Variants in AGMO observed in about 807,000 individuals in gnomAD.
AGMO encodes alkylglycerol monooxygenase.
In AGMO, 75 loss-of-function variants were observed where a neutral mutation model predicts 60.2. That is an observed-to-expected ratio of 1.25 (90% CI 1.03 to 1.51). AGMO has a LOEUF of 1.51. Among genes scored for constraint, AGMO ranks in the 40% most tolerant of loss-of-function variants. AGMO has a pLI of 0.00. For synonymous variants in AGMO, 261 were observed against 177.1 expected (o/e 1.47, Z -3.76); for missense variants, 763 against 525.5 (o/e 1.45, Z -4.42).
intron 12 of AGMO, among the ~76,000 whole-genome samples, chr7:15,299,317 C>G (rs979258190): frequency 9.9e-5 from 15 of 152,026 alleles, no homozygotes; most frequent in African/African-American, 3.6e-4. Flanking sequence ...TTTTCTCTGA[C>G]CTGTGCTGTT....
At chr7:15,328,003 T>A (rs1337388850) in intron 12 of AGMO, among the ~76,000 whole-genome samples, 1 of 152,044 alleles carries the variant, frequency 6.6e-6, no homozygotes, top group Non-Finnish European at 1.5e-5. Flanking sequence ...CATGAACTTC[T>A]AGGCTCAAGC....
At chr7:15,366,598 T>A (rs1169320339) in intron 10 of AGMO, among the ~76,000 whole-genome samples, 1 of 152,072 alleles carries the variant, frequency 6.6e-6, no homozygotes, top group South Asian at 2.1e-4. Context: ...TATAACAAAA[T>A]CTTTGTGGTT....
chr7:15,356,013 T>C (rs917553855), intron 12 of AGMO, among the ~76,000 whole-genome samples: 2 of 152,096 alleles, frequency 1.3e-5, no homozygotes, highest in African/African-American at 2.4e-5. Context: ...AAAATAGTAA[T>C]TAGAAATACA....
chr7:15,296,367 C>T (rs1301383455), intron 12 of AGMO, among the ~76,000 whole-genome samples: 1 of 152,106 alleles, frequency 6.6e-6, no homozygotes, highest in Non-Finnish European at 1.5e-5. Flanking sequence ...AAGACAAGTG[C>T]CTTACTCATT....
intron 3 of AGMO, among the ~76,000 whole-genome samples, chr7:15,480,825 A>C (rs1330078773): frequency 6.6e-6 from 1 of 152,098 alleles, no homozygotes; most frequent in Admixed American, 6.6e-5. Context: ...CTAGTCAAAC[A>C]CCACCTAAGA....
chr7:15,124,263 AC>A, the AGMO span, among the ~76,000 whole-genome samples: 1 of 150,862 alleles, frequency 6.6e-6, no homozygotes, highest in Non-Finnish European at 1.5e-5. Flanking sequence ...TTTTTTCCCT[AC>A]CTTGCCTTTC....
At chr7:15,350,467 T>C (rs1251403971) in intron 12 of AGMO, among the ~76,000 whole-genome samples, 2 of 152,166 alleles carry the variant, frequency 1.3e-5, no homozygotes, top group Non-Finnish European at 2.9e-5. Flanking sequence ...GATAAGAGTT[T>C]TAAGCAGTAA....
the AGMO span, among the ~76,000 whole-genome samples, chr7:15,164,982 A>C: frequency 6.6e-6 from 1 of 152,170 alleles, no homozygotes; most frequent in Non-Finnish European, 1.5e-5. Context: ...CATGTAATTA[A>C]CCTAAGAGTT....
chr7:15,499,051 T>C (rs1452815940), intron 3 of AGMO, among the ~76,000 whole-genome samples: 2 of 151,932 alleles, frequency 1.3e-5, no homozygotes, highest in African/African-American at 2.4e-5. Flanking sequence ...GTGTTTAACA[T>C]TGAAAAACAC....
chr7:15,374,676 G>A lies in AGMO; in HGVS notation c.1075-8454C>T, dbSNP rs1055535377. 5.3e-5 allele frequency among the ~76,000 whole-genome samples: 8 copies of A among 152,012 alleles called. No homozygotes were observed. In the East Asian group the frequency reaches 5.8e-4, roughly 11 times the overall value. On this transcript the variant is annotated intron_variant, in intron 10 of 12. Transcript: ENST00000342526. Reference sequence around the variant, plus strand: ...AAAGAACAGCGATCTCAGGGAAATAGGATACAAATGACATGATCCATATTG... The same window carrying A: ...AAAGAACAGCGATCTCAGGGAAATAAGATACAAATGACATGATCCATATTG...
chr7:15,246,148 A>T (rs1782734757), intron 12 of AGMO, among the ~76,000 whole-genome samples: 1 of 152,186 alleles, frequency 6.6e-6, no homozygotes, highest in African/African-American at 2.4e-5. Context: ...ATTTTTAGGG[A>T]TTAAGTTTTA....
intron 10 of AGMO, among the ~76,000 whole-genome samples, chr7:15,384,375 T>C (rs1020460794): frequency 1.3e-5 from 2 of 152,220 alleles, no homozygotes; most frequent in Non-Finnish European, 2.9e-5. Flanking sequence ...TATCAGAATA[T>C]ATGTTCAGTT....
intron 12 of AGMO, among the ~76,000 whole-genome samples, chr7:15,222,334 A>T (rs1781947875): frequency 6.6e-6 from 1 of 152,106 alleles, no homozygotes; most frequent in Non-Finnish European, 1.5e-5. Context: ...TTTGGAAGTC[A>T]GAATGAACTT....
chr7:15,244,833 T>A (rs770632377), intron 12 of AGMO, among the ~76,000 whole-genome samples: 12 of 152,090 alleles, frequency 7.9e-5, no homozygotes, highest in Non-Finnish European at 1.8e-4. Context: ...TTTGTATTTT[T>A]AGTAGAGACA....
At chr7:15,322,445 A>AAT (rs1178866406) in intron 12 of AGMO, among the ~76,000 whole-genome samples, 1 of 109,284 alleles carries the variant, frequency 9.2e-6, no homozygotes, top group Non-Finnish European at 1.8e-5. Context: ...TATATATATA[A>AAT]ATATATATAT....
the AGMO span, among the ~76,000 whole-genome samples, chr7:15,143,112 C>G: frequency 3.9e-5 from 6 of 152,124 alleles, no homozygotes; most frequent in Non-Finnish European, 8.8e-5. Context: ...CTTCTAGTAG[C>G]CTGCCTAAAT....
the AGMO span, among the ~76,000 whole-genome samples, chr7:15,118,429 T>C: frequency 6.6e-6 from 1 of 152,090 alleles, no homozygotes; most frequent in Non-Finnish European, 1.5e-5. Flanking sequence ...AATTTTTACT[T>C]AGACAGAGAG....
intron 3 of AGMO, among the ~76,000 whole-genome samples, chr7:15,462,177 G>T (rs999304012): frequency 6.6e-6 from 1 of 152,064 alleles, no homozygotes; most frequent in Non-Finnish European, 1.5e-5. Flanking sequence ...GAGAATATCA[G>T]AAAGCTAATT....
At chr7:15,223,778 CA>C (rs111733452) in intron 12 of AGMO, among the ~76,000 whole-genome samples, 3 of 150,552 alleles carry the variant, frequency 2.0e-5, no homozygotes, top group African/African-American at 7.3e-5. Flanking sequence ...ATTTATTATA[CA>C]CTTAATATCA....
Sources: gnomAD v4.1 joint callset for allele counts (sites outside exome capture counted in the v4.1 genomes callset) on GRCh38, gnomAD v4.1.1 for gene constraint, MANE v1.5 for transcripts, NCBI Gene and HGNC (gene_info 2026-07-23, HGNC 2026-07-21) for gene names.